PLCB2: variants seen among roughly 807,000 people sequenced by gnomAD.
PLCB2 encodes 1-phosphatidylinositol 4,5-bisphosphate phosphodiesterase beta-2.
A neutral mutation model predicts 141.7 loss-of-function variants in PLCB2; 115 were observed. That is an observed-to-expected ratio of 0.81 (90% CI 0.70 to 0.95). The LOEUF (loss-of-function observed/expected upper bound fraction) is 0.95. PLCB2 is among the 40% of genes least tolerant of loss of function. The pLI is 0.00. For missense variants in PLCB2, 1,403 were observed against 1,541.1 expected (o/e 0.91, Z 1.50); for synonymous variants, 603 against 595.6 (o/e 1.01, Z -0.18).
intron 2 of PLCB2, 77 bp downstream of exon 2, chr15:40,303,924 C>T (rs2040657710): frequency 1.9e-6 from 2 of 1,043,826 alleles, no homozygotes; most frequent in Admixed American, 2.0e-5. Context: ...ATGCCTCCAC[C>T]TTGGTGCAGC....
At chr15:40,287,811 G>C, downstream of PLCB2, 1 of 500,936 alleles carries the variant, frequency 2.0e-6, no homozygotes, top group African/African-American at 2.1e-5. Flanking sequence ...CAGCTCCCAA[G>C]AGATTTTTTT....
chr15:40,293,539 C>G, intron 20 of PLCB2, 21 bp downstream of exon 20: 1 of 1,610,222 alleles, frequency 6.2e-7, no homozygotes, highest in Non-Finnish European at 8.5e-7. Context: ...AGACTCTGCC[C>G]TGCCATGCCC....
chr15:40,288,874 A>T lies in PLCB2; in HGVS notation c.3399T>A (p.Gly1133=), dbSNP rs747892247. The change falls in exon 32 of 32, where the codon GGT becomes GGA. Residue 1133 remains glycine, a synonymous_variant. Transcript: ENST00000260402. ...ALAEYEARMK[G]LEAEVKESVR... ...CCGACTCCTTCACCTCTGCCTCCAGACCCTTCATCCTGGCCTCGTACTCTG... is the reference window on the plus strand; with the variant it reads ...CCGACTCCTTCACCTCTGCCTCCAGTCCCTTCATCCTGGCCTCGTACTCTG... The T allele has an allele frequency of 1.2e-6, 2 of 1,613,630 alleles. No individual in the cohort carries two copies. Among genetic ancestry groups the T allele is most frequent in the Non-Finnish European group, 1.7e-6 (2 of 1,179,934 alleles).
rs2039805796 is a variant in PLCB2 at position 40,290,100 on chromosome 15, G to A, written c.3210-18C>T. On this transcript the variant is annotated intron_variant, in intron 29 of 31. Transcript: ENST00000260402. ...TCTTCAACCTGTTGGTGTAATTGGAGTTTTAGAAAAGGGAGAAAACCCCTA... is the reference window on the plus strand; with the variant it reads ...TCTTCAACCTGTTGGTGTAATTGGAATTTTAGAAAAGGGAGAAAACCCCTA... The A allele has an allele frequency of 6.4e-7, 1 of 1,571,322 alleles. No individual in the cohort carries two copies. The highest frequency in any genetic ancestry group is 1.3e-5 in the African/African-American group (1 of 74,124).
At position 40,288,265 on chromosome 15, in the gene PLCB2, C is replaced by G. The variant is rs1367799313; in HGVS notation, c.*450G>C. 2 of 988,432 alleles carry G rather than the reference C, an allele frequency of 2.0e-6. No individual in the cohort carries two copies. The highest frequency in any genetic ancestry group is 1.7e-5 in the African/African-American group (1 of 57,364). The allele number at this position is 988,432 out of a possible 1,614,324, so 61.2% of individuals were successfully genotyped here. ...CCTCAAGGAGTGGACAAGGCCAACT[C>G]AGGGCAGGCCTGATGGGGCCTGGAA... On this transcript the variant is annotated 3_prime_UTR_variant, in exon 32 of 32. Coordinates refer to ENST00000260402, the MANE Select transcript of PLCB2 (RefSeq NM_004573.3).
At position 40,298,356 on chromosome 15, in the gene PLCB2, G is replaced by T; in HGVS notation, c.1022C>A (p.Ser341Ter). The T allele has an allele frequency of 5.0e-6, 8 of 1,595,002 alleles. No homozygotes were observed. The highest frequency in any genetic ancestry group is 6.0e-6 in the Non-Finnish European group (7 of 1,167,734). Residue 341 changes from serine (S) to a stop codon, truncating the protein, a stop_gained, in exon 11 of 32, where the codon TCG becomes TAG. Coordinates refer to ENST00000260402, the MANE Select transcript of PLCB2 (RefSeq NM_004573.3). LOFTEE classifies it high-confidence loss of function. ...LTAGQFSGLSSAEMYRQVLLS... is the reference protein window; with the variant it reads ...LTAGQFSGLS ...CAGCACCTGGCGGTACATCTCAGCC[G>T]AGGAGAGGCCTGAGAACTGGCCGGC...
rs760130831 is a variant in PLCB2 at position 40,302,477 on chromosome 15, C to T, written c.364G>A (p.Val122Met). ...FHNFVSYKEN[V>M]GKAWAEDVLA... ...AGTGCTCCCTGGCACACCTTGCCCA[C>T]GTTCTCCTTGTAGGAGACGAAGTTG... Residue 122 changes from valine (V) to methionine (M), a missense_variant, in exon 4 of 32, where the codon GTG becomes ATG. Transcript: ENST00000260402. 9.3e-6 allele frequency: 15 copies of T among 1,613,950 alleles called. No homozygotes were observed. In the East Asian group the frequency reaches 1.6e-4, roughly 17 times the overall value.
chr15:40,297,640 G>T lies in PLCB2; in HGVS notation c.1239-35C>A, dbSNP rs367673468. On this transcript the variant is annotated intron_variant, in intron 12 of 31. Transcript: ENST00000260402. The surrounding 1 kb of genome is among the most constrained non-coding windows in gnomAD (Gnocchi z 4.2). ...GCAAAAGCGGGGATGGGGTTCAGCC[G>T]CTCAGCACCAACCCTATTATGCATC... The T allele has an allele frequency of 1.3e-6, 2 of 1,538,848 alleles. No individual in the cohort carries two copies. Among genetic ancestry groups the T allele is most frequent in the Non-Finnish European group, 1.8e-6 (2 of 1,113,000 alleles).
intron 18 of PLCB2, 31 bp from the exon 19 acceptor site, chr15:40,294,451 G>A: frequency 6.8e-6 from 11 of 1,612,010 alleles, no homozygotes; most frequent in Non-Finnish European, 9.3e-6. Context: ...AGTGAGGAAG[G>A]CCCAGCCCTG....
Position 40,296,615 on chromosome 15 carries a change from C to A in PLCB2, c.1506G>T (p.Gly502=). The A allele has an allele frequency of 6.2e-7, 1 of 1,613,362 alleles. No homozygotes were observed. The highest frequency in any genetic ancestry group is 8.5e-7 in the Non-Finnish European group (1 of 1,179,728). Residue 502 remains glycine, a synonymous_variant, in exon 15 of 32, where the codon GGG becomes GGT. Transcript: ENST00000260402. ...GEGTVWAGEE[G]TELEEEEVEE... is the part of the protein sequence containing the mutation. ...CCACCTCCTCCTCCTCCAGCTCAGT[C>A]CCTTCCTCGCCAGCCCACACTGCCA...
At chr15:40,291,678 G>A in intron 24 of PLCB2, 28 bp from the exon 25 acceptor site, 1 of 1,611,044 alleles carries the variant, frequency 6.2e-7, no homozygotes, top group Non-Finnish European at 8.5e-7. Context: ...TGGGCTGTCA[G>A]GTGCTCTGGG....
chr15:40,301,802 G>T, intron 7 of PLCB2, 155 bp downstream of exon 7: 1 of 722,534 alleles, frequency 1.4e-6, no homozygotes, highest in African/African-American at 1.7e-5. Context: ...TGTGCCTAGT[G>T]TCAGTAACCA....
Position 40,295,014 on chromosome 15 carries a change from T to G in PLCB2, c.1828A>C (p.Met610Leu). The G allele has an allele frequency of 6.2e-7, 1 of 1,614,024 alleles. No individual in the cohort carries two copies. The highest frequency in any genetic ancestry group is 8.5e-7 in the Non-Finnish European group (1 of 1,179,922). The change falls in exon 18 of 32, where the codon ATG (methionine) becomes CTG (leucine). Residue 610 changes from methionine (M) to leucine (L), a missense_variant. Around this residue, in one of 4 missense-constraint regions of PLCB2, gnomAD observed 975 missense variants for 1,141.1 expected, o/e 0.85. Transcript: ENST00000260402. ...TGGGGCATGTAGTTGGAGGAGTCCA[T>G]GCGGGTTCCCTTGGGGTAAATGCGG... ...MSRIYPKGTRMDSSNYMPQMF... is the reference protein window; with the variant it reads ...MSRIYPKGTRLDSSNYMPQMF...
In PLCB2 at chr15:40,294,292, CCA is replaced by C. The variant is rs772501362; in HGVS notation, c.2033_2034del (p.Val678GlyfsTer43). ...FNPFSVDRID[V>X]VVATTLSITV... ...GTAATGGAAAGGGTGGTGGCCACCA[CCA>C]CGTCGATGCGGTCCACTGAGAAGGG... On this transcript the variant is annotated frameshift_variant, in exon 19 of 32. Coordinates refer to ENST00000260402, the MANE Select transcript of PLCB2 (RefSeq NM_004573.3). LOFTEE classifies it high-confidence loss of function. The C allele has an allele frequency of 5.0e-6, 8 of 1,613,916 alleles. No homozygotes were observed. In the Admixed American group the frequency reaches 8.3e-5, roughly 17 times the overall value.
downstream of PLCB2, among the ~76,000 whole-genome samples, chr15:40,284,836 CAAAAAAA>C (rs56397946): frequency 6.9e-4 from 52 of 74,880 alleles, no homozygotes; most frequent in East Asian, 5.8e-3. Flanking sequence ...GAGACTCCGT[CAAAAAAA>C]AAAAAAAAAA....
chr15:40,290,965 G>C, intron 27 of PLCB2, 53 bp downstream of exon 27: 1 of 1,536,288 alleles, frequency 6.5e-7, no homozygotes, highest in Non-Finnish European at 8.7e-7. Context: ...GGGGTCCATG[G>C]GGGGTGGGGT....
Position 40,288,707 on chromosome 15 carries a change from T to A in PLCB2, c.*8A>T. ...CTCCTTGCTAAATGTCCCAGTGGGA[T>A]GGGGGCATCAGAGGCGGCTCTCCTG... is the stretch of plus-strand genomic sequence containing the variant. On this transcript the variant is annotated 3_prime_UTR_variant, in exon 32 of 32. Coordinates refer to ENST00000260402, the MANE Select transcript of PLCB2 (RefSeq NM_004573.3). The A allele has an allele frequency of 1.3e-6, 2 of 1,574,774 alleles. No individual in the cohort carries two copies. The highest frequency in any genetic ancestry group is 2.3e-5 in the South Asian group (2 of 87,860).
Position 40,298,442 on chromosome 15 carries a change from A to G in PLCB2, c.998-62T>C. 2.5e-6 allele frequency: 4 copies of G among 1,574,782 alleles called. No homozygotes were observed. In the South Asian group the frequency reaches 4.7e-5, roughly 18 times the overall value. On this transcript the variant is annotated intron_variant, in intron 10 of 31. Coordinates refer to ENST00000260402, the MANE Select transcript of PLCB2 (RefSeq NM_004573.3). Reference sequence around the variant, plus strand: ...CCAAAGGCAGCCCAGCTCTCCCCCTACCGCCACTCCATCATGGTCTGTGTT... The same window carrying G: ...CCAAAGGCAGCCCAGCTCTCCCCCTGCCGCCACTCCATCATGGTCTGTGTT...
At chr15:40,298,509 T>G in intron 10 of PLCB2, 53 bp downstream of exon 10, 1 of 1,611,850 alleles carries the variant, frequency 6.2e-7, no homozygotes, top group South Asian at 1.1e-5. Context: ...CTGTGGAGGA[T>G]GCAGGGAACC....
Sources: allele counts gnomAD v4.1 joint callset (sites outside exome capture counted in the v4.1 genomes callset), GRCh38; gene constraint gnomAD v4.1.1; regional missense constraint gnomAD v4.1.1; non-coding constraint Gnocchi (gnomAD v3.1); transcripts MANE v1.5; gene names NCBI Gene and HGNC (gene_info 2026-07-23, HGNC 2026-07-21).